ZNF442: variants seen among roughly 807,000 people sequenced by gnomAD.
The protein encoded by ZNF442 is zinc finger protein 442.
In ZNF442, 45 loss-of-function variants were observed where a neutral mutation model predicts 57.0. The observed-to-expected ratio is 0.79, with a 90% confidence interval of 0.62 to 1.01. ZNF442 has a LOEUF of 1.01. Among genes scored for constraint, ZNF442 ranks in the 50% least tolerant of loss-of-function variants. The probability of loss-of-function intolerance (pLI) is 0.00; values close to 1 mark genes in which losing one functional copy is unlikely to be tolerated. For missense variants in ZNF442, 690 were observed against 756.5 expected, an observed-to-expected ratio of 0.91 and a Z score of 1.03; for synonymous variants, 213 against 241.8, an observed-to-expected ratio of 0.88 and a Z score of 1.10.
At chr19:12,360,688 T>C (rs1427851575) in intron 3 of ZNF442, among the ~76,000 whole-genome samples, 1 of 152,160 alleles carries the variant, frequency 6.6e-6, no homozygotes. Flanking sequence ...GTGATTCTCC[T>C]GCCTCAGCCT....
At position 12,351,307 on chromosome 19, in the gene ZNF442, A is replaced by G; in HGVS notation, c.278T>C (p.Ile93Thr). Residue 93 changes from isoleucine (I) to threonine (T), a missense_variant, in exon 6 of 6, where the codon ATA becomes ACA. Physicochemically the swap from Ile to Thr is moderately conservative, Grantham distance 89. Transcript: ENST00000242804. ...NPRRSLRCHIIERFSESRQPD... is the reference protein window; with the variant it reads ...NPRRSLRCHITERFSESRQPD... Reference sequence around the variant, plus strand: ...CTGGCGACTTTCACTAAATCTCTCTATGATATGACATCTGTAAAACATGAG... The same window carrying G: ...CTGGCGACTTTCACTAAATCTCTCTGTGATATGACATCTGTAAAACATGAG... The G allele has an allele frequency of 6.2e-7, 1 of 1,610,418 alleles. No individual in the cohort carries two copies. The highest frequency in any genetic ancestry group is 8.5e-7 in the Non-Finnish European group (1 of 1,177,856).
rs1969176813 is a variant in ZNF442, at chr19:12,349,472, G to A, written c.*229C>T. The A allele has an allele frequency of 1.0e-5, 4 of 399,304 alleles. No individual in the cohort carries two copies. Among genetic ancestry groups the A allele is most frequent in the Non-Finnish European group, 1.8e-5 (4 of 226,026 alleles). 24.7% of individuals were successfully genotyped at this position (399,304 alleles called of 1,614,324 possible). A position where few individuals can be genotyped will look rare whatever the true frequency, so the allele number is the denominator to read the frequency against. ...CATGATTTATGGGATGCAGGAGGAT[G>A]TGGATAGGTTACATGCAAATGTCCT... On this transcript the variant is annotated 3_prime_UTR_variant, in exon 6 of 6. Transcript: ENST00000242804.
At chr19:12,352,783 C>A (rs942433295) in intron 4 of ZNF442, among the ~76,000 whole-genome samples, 2 of 152,098 alleles carry the variant, frequency 1.3e-5, no homozygotes, top group African/African-American at 4.8e-5. Context: ...GACCAATAAG[C>A]CTGCCAGTCA....
chr19:12,370,687 A>G (rs1568494076), upstream of ZNF442, among the ~76,000 whole-genome samples: 1 of 152,208 alleles, frequency 6.6e-6, no homozygotes, highest in East Asian at 1.9e-4. Context: ...TCAGAAAATA[A>G]TTAGCGGCTG....
chr19:12,367,762 G>C (rs1969550362), upstream of ZNF442, among the ~76,000 whole-genome samples: 1 of 152,046 alleles, frequency 6.6e-6, no homozygotes, highest in Non-Finnish European at 1.5e-5. Context: ...TCTGCCTCCT[G>C]GGTTCACACT....
chr19:12,370,881 G>T (rs2144857700), upstream of ZNF442, among the ~76,000 whole-genome samples: 1 of 151,408 alleles, frequency 6.6e-6, no homozygotes, highest in Non-Finnish European at 1.5e-5. Context: ...GCTGAGGCAG[G>T]AGAGTCGCTT....
At chr19:12,352,673 T>C (rs1323359405) in intron 4 of ZNF442, among the ~76,000 whole-genome samples, 1 of 152,246 alleles carries the variant, frequency 6.6e-6, no homozygotes, top group Non-Finnish European at 1.5e-5. Context: ...ATCTTCTTTA[T>C]GATTTTCTTA....
chr19:12,367,675 A>G (rs1248468026), upstream of ZNF442, among the ~76,000 whole-genome samples: 4 of 150,152 alleles, frequency 2.7e-5, no homozygotes, highest in Non-Finnish European at 5.9e-5. Context: ...ATTATTATAT[A>G]TATTTTTTTG....
rs1037152460 is a variant in ZNF442 at position 12,348,786 on chromosome 19, C to G, written c.*915G>C. 1.6e-4 allele frequency: 25 copies of G among 151,986 alleles called. No individual in the cohort carries two copies. Among genetic ancestry groups the G allele is most frequent in the African/African-American group, 5.8e-4 (24 of 41,378 alleles). The allele number at this position is 151,986 out of a possible 1,614,324, so 9.4% of individuals were successfully genotyped here. On this transcript the variant is annotated 3_prime_UTR_variant, in exon 6 of 6. Transcript: ENST00000242804. The stretch of plus-strand genomic sequence containing the variant: ...TAATCAGCATCATCATGATCATGAT[C>G]ATCATCATCATCCTTGGGTTATCAA...
chr19:12,362,394 T>C (rs1969446850), intron 3 of ZNF442, among the ~76,000 whole-genome samples: 1 of 146,610 alleles, frequency 6.8e-6, no homozygotes, highest in African/African-American at 2.6e-5. Context: ...AACTGAGGAG[T>C]GTCTCTGCCC....
At chr19:12,351,746 G>T in intron 5 of ZNF442, 1 of 376,836 alleles carries the variant, frequency 2.7e-6, no homozygotes, top group Non-Finnish European at 4.8e-6. Flanking sequence ...CCTTGTGATC[G>T]CTCGCCTTGG....
chr19:12,373,600 G>A, the ZNF442 span: 1 of 222,134 alleles, frequency 4.5e-6, no homozygotes, highest in South Asian at 6.4e-5. Context: ...CAGCTGTACT[G>A]GAGACACCGG....
rs911932273 is a variant in ZNF442 at position 12,365,005 on chromosome 19, A to G, written c.-244T>C. On this transcript the variant is annotated 5_prime_UTR_variant, in exon 2 of 6. Transcript: ENST00000242804. ...CCCACGAGGGAACCCACTCAGCAGGAGAATGCGGTTTCTTCACCTCCCGTC... is the reference window on the plus strand; with the variant it reads ...CCCACGAGGGAACCCACTCAGCAGGGGAATGCGGTTTCTTCACCTCCCGTC... The G allele has an allele frequency of 6.6e-6, 1 of 152,490 alleles. No homozygotes were observed. Among genetic ancestry groups the G allele is most frequent in the Non-Finnish European group, 1.5e-5 (1 of 68,314 alleles). 9.4% of individuals were successfully genotyped at this position (152,490 alleles called of 1,614,324 possible). A position where few individuals can be genotyped will look rare whatever the true frequency, so the allele number is the denominator to read the frequency against.
upstream of ZNF442, among the ~76,000 whole-genome samples, chr19:12,368,135 C>T (rs1318349389): frequency 1.3e-5 from 2 of 152,150 alleles, no homozygotes; most frequent in Non-Finnish European, 2.9e-5. Context: ...CAGAAAATCG[C>T]TGTTATTCTA....
rs1196372726 is a variant in ZNF442, at chr19:12,349,998, A to G, written c.1587T>C (p.Gly529=). 4 of 1,614,068 alleles carry G rather than the reference A, an allele frequency of 2.5e-6. No individual in the cohort carries two copies. The African/African-American group carries it at 5.3e-5, about 22-fold the overall frequency. Residue 529 remains glycine, a synonymous_variant, in exon 6 of 6, where the codon GGT becomes GGC. Coordinates refer to ENST00000242804, the MANE Select transcript of ZNF442 (RefSeq NM_030824.3). ...GAATCCTTTCATGGACTTTTAAGTT[A>G]CCAAAATGACTGAAGGCTTTCTTAC... The part of the protein sequence containing the change: ...KTCKKAFSHF[G]NLKVHERIHT...
In ZNF442 at chr19:12,349,457, G is replaced by A. The variant is rs1969176630; in HGVS notation, c.*244C>T. On this transcript the variant is annotated 3_prime_UTR_variant, in exon 6 of 6. Transcript: ENST00000242804. ...ATTAAGTAATCTAGGCATGATTTAT[G>A]GGATGCAGGAGGATGTGGATAGGTT... is the stretch of plus-strand genomic sequence containing the variant. The A allele has an allele frequency of 3.0e-6, 1 of 336,784 alleles. No individual in the cohort carries two copies. 20.9% of individuals were successfully genotyped at this position (336,784 alleles called of 1,614,324 possible).
upstream of ZNF442, among the ~76,000 whole-genome samples, chr19:12,370,405 G>A (rs1369355078): frequency 6.6e-6 from 1 of 152,098 alleles, no homozygotes; most frequent in African/African-American, 2.4e-5. Flanking sequence ...TACAGGTAAA[G>A]CTTTGCTTAC....
chr19:12,373,023 T>C, the ZNF442 span, among the ~76,000 whole-genome samples: 352 of 152,268 alleles, frequency 2.3e-3, 2 homozygotes, highest in Middle Eastern at 0.014. Flanking sequence ...CTGCCCGCCT[T>C]GGCCTCCCAA....
In ZNF442 at chr19:12,350,211, C is replaced by G. The variant is rs776392174; in HGVS notation, c.1374G>C (p.Glu458Asp). The G allele has an allele frequency of 4.3e-6, 7 of 1,613,908 alleles. 1 individual carries two copies. The highest frequency in any genetic ancestry group is 5.9e-6 in the Non-Finnish European group (7 of 1,180,002). The change falls in exon 6 of 6, where the codon GAG becomes GAC. Residue 458 changes from glutamate (E) to aspartate (D), a missense_variant. Transcript: ENST00000242804. Reference protein sequence around the residue: ...LRRHETTHTGEKPYKCKCGKA... With the variant: ...LRRHETTHTGDKPYKCKCGKA... ...TCCCACATTTACATTTATAGGGTTT[C>G]TCTCCAGTGTGAGTTGTTTCATGTC... is the stretch of plus-strand genomic sequence containing the variant.
Sources: allele counts gnomAD v4.1 joint callset (sites outside exome capture counted in the v4.1 genomes callset), GRCh38; gene constraint gnomAD v4.1.1; transcripts MANE v1.5; gene names NCBI Gene and HGNC (gene_info 2026-07-23, HGNC 2026-07-21).